The following GDA variants were observed in gnomAD, a reference collection of about 807,000 sequenced individuals.
GDA encodes cytoplasmic PSD-95 interactor.
GDA carries 18 observed loss-of-function variants against 59.6 expected under a neutral mutation model. The ratio of observed to expected loss-of-function variants is 0.30; its 90% CI spans 0.21 to 0.45. The LOEUF is 0.45. Ranked by LOEUF, GDA falls within the 20% of genes least tolerant of loss-of-function variation. The probability of loss-of-function intolerance (pLI) is 1.00; values close to 1 mark genes in which losing one functional copy is unlikely to be tolerated. For synonymous variants in GDA, 201 were observed against 201.1 expected (o/e 1.00, Z 0.00); for missense variants, 427 against 552.3 (o/e 0.77, Z 2.27).
chr9:72,161,469 T>C (rs115106585), intron 1 of GDA, among the ~76,000 whole-genome samples: 279 of 149,286 alleles, frequency 1.9e-3, no homozygotes, highest in African/African-American at 6.9e-3. Flanking sequence ...CCAATGTATG[T>C]GGTTACTGGG....
upstream of GDA, among the ~76,000 whole-genome samples, chr9:72,146,401 CCCTCTTT>C (rs1826634492): frequency 2.0e-5 from 3 of 152,044 alleles, no homozygotes; most frequent in Admixed American, 2.0e-4. Flanking sequence ...GCTCTGTACT[CCCTCTTT>C]CCTCCAAACC....
intron 1 of GDA, among the ~76,000 whole-genome samples, chr9:72,191,427 G>A (rs1273413596): frequency 6.6e-6 from 1 of 151,950 alleles, no homozygotes; most frequent in Admixed American, 6.6e-5. Context: ...GAAGAAGATG[G>A]CTGGTGGACT....
chr9:72,172,509 C>A (rs1830074023), intron 1 of GDA, among the ~76,000 whole-genome samples: 1 of 152,164 alleles, frequency 6.6e-6, no homozygotes, highest in Non-Finnish European at 1.5e-5. Context: ...TGGGCCTGCA[C>A]ACTTTGGCTT....
At chr9:72,141,127 T>G (rs1826426716) in intron 1 of GDA, among the ~76,000 whole-genome samples, 1 of 152,234 alleles carries the variant, frequency 6.6e-6, no homozygotes, top group African/African-American at 2.4e-5. Context: ...ATTTGTCTAA[T>G]ATTAATATTT....
intron 2 of GDA, among the ~76,000 whole-genome samples, chr9:72,201,629 T>C (rs780853378): frequency 6.6e-6 from 1 of 152,228 alleles, no homozygotes; most frequent in Non-Finnish European, 1.5e-5. Context: ...AAGTTGCTTA[T>C]GTGATTGAAT....
chr9:72,117,994 C>G (rs2132515183), intron 1 of GDA, among the ~76,000 whole-genome samples: 1 of 152,084 alleles, frequency 6.6e-6, no homozygotes, highest in African/African-American at 2.4e-5. Context: ...AAATTCAGGC[C>G]AGGCGCGGTG....
At chr9:72,203,132 C>G (rs1834220399) in intron 3 of GDA, among the ~76,000 whole-genome samples, 6 of 152,166 alleles carry the variant, frequency 3.9e-5, no homozygotes, top group Admixed American at 3.9e-4. Context: ...CTTTTCCCAT[C>G]TGTAAAAAAT....
downstream of GDA, chr9:72,257,869 T>A (rs554401710): frequency 6.7e-6 from 1 of 149,814 alleles, no homozygotes; most frequent in Admixed American, 6.6e-5. Context: ...GAGGTGAAGG[T>A]TGCATTGAGC....
intron 1 of GDA, among the ~76,000 whole-genome samples, chr9:72,129,094 C>T (rs1274859560): frequency 6.6e-6 from 1 of 152,042 alleles, no homozygotes; most frequent in African/African-American, 2.4e-5. Flanking sequence ...TCCTGAATAG[C>T]TGAGATTACA....
intron 1 of GDA, among the ~76,000 whole-genome samples, chr9:72,150,218 C>G (rs1043943940): frequency 1.3e-5 from 2 of 151,990 alleles, no homozygotes; most frequent in Non-Finnish European, 2.9e-5. Flanking sequence ...AATATACTAA[C>G]GATGAAGGTT....
intron 12 of GDA, 66 bp from the exon 13 acceptor site, chr9:72,247,340 A>G: frequency 1.1e-6 from 1 of 916,914 alleles, no homozygotes; most frequent in Non-Finnish European, 1.8e-6. Flanking sequence ...AACCACTATC[A>G]GCTGTGAATT....
intron 1 of GDA, among the ~76,000 whole-genome samples, chr9:72,134,184 G>C (rs1041445667): frequency 1.3e-5 from 2 of 152,172 alleles, no homozygotes; most frequent in Non-Finnish European, 2.9e-5. Context: ...ATAGTGCCAT[G>C]AAATGGGCCT....
downstream of GDA, among the ~76,000 whole-genome samples, chr9:72,254,795 G>A (rs1587827698): frequency 6.6e-6 from 1 of 152,316 alleles, no homozygotes; most frequent in South Asian, 2.1e-4. Context: ...GTTTGTGTGT[G>A]TGTTTCAGAT....
intron 3 of GDA, among the ~76,000 whole-genome samples, chr9:72,206,251 A>C (rs1834685366): frequency 6.6e-6 from 1 of 152,078 alleles, no homozygotes; most frequent in African/African-American, 2.4e-5. Context: ...GAACACTTCT[A>C]TTCTTTTGCT....
intron 1 of GDA, among the ~76,000 whole-genome samples, chr9:72,157,319 G>A (rs73482186): frequency 1.3e-3 from 192 of 152,252 alleles, no homozygotes; most frequent in African/African-American, 4.5e-3. Context: ...GGGATTACAG[G>A]CGTGAGCCAC....
At chr9:72,162,681 A>G (rs1828784235) in intron 1 of GDA, among the ~76,000 whole-genome samples, 1 of 151,334 alleles carries the variant, frequency 6.6e-6, no homozygotes, top group Non-Finnish European at 1.5e-5. Context: ...TTTTTGAGAC[A>G]GAATCTTGCT....
chr9:72,153,285 G>A lies in GDA; in HGVS notation c.123+3603G>A, dbSNP rs537998886. Among the ~76,000 whole-genome samples, 1,299 of 151,986 alleles carry A rather than the reference G, an allele frequency of 8.5e-3. 19 individuals carry two copies. The highest frequency in any genetic ancestry group is 0.03 in the African/African-American group (1,238 of 41,390). ...ACTTGGTGATGCGGGCTCTTTTTTG[G>A]TTCCATATGAACTTTAAAGTAGTTT... On this transcript the variant is annotated intron_variant, in intron 1 of 13. Transcript: ENST00000358399.
intron 1 of GDA, among the ~76,000 whole-genome samples, chr9:72,116,586 T>A (rs1170045545): frequency 1.3e-5 from 2 of 151,936 alleles, no homozygotes; most frequent in Non-Finnish European, 2.9e-5. Flanking sequence ...TTTCACTACG[T>A]TGGTTGGCCA....
At chr9:72,185,227 T>G (rs1831721307) in intron 1 of GDA, among the ~76,000 whole-genome samples, 1 of 152,208 alleles carries the variant, frequency 6.6e-6, no homozygotes, top group African/African-American at 2.4e-5. Context: ...TGCTGATCCT[T>G]GGTTTATACT....
Sources: gnomAD v4.1 joint callset for allele counts (sites outside exome capture counted in the v4.1 genomes callset) on GRCh38, gnomAD v4.1.1 for gene constraint, MANE v1.5 for transcripts, NCBI Gene and HGNC (gene_info 2026-07-23, HGNC 2026-07-21) for gene names.